Variants in CMC1 observed in about 807,000 individuals in gnomAD.
CMC1 encodes the protein C-X9-C motif containing 1.
CMC1 carries 14 observed loss-of-function variants against 14.1 expected under a neutral mutation model. The ratio of observed to expected loss-of-function variants is 0.99; its 90% CI spans 0.66 to 1.55. CMC1 has a LOEUF of 1.55. Among genes scored for constraint, CMC1 ranks in the 40% most tolerant of loss-of-function variants. The pLI, the probability that CMC1 is intolerant of heterozygous loss-of-function variation, is 0.00. For missense variants in CMC1, 127 were observed against 123.8 expected (o/e 1.03, Z -0.12); for synonymous variants, 50 against 38.4 (o/e 1.30, Z -1.12).
intron 1 of CMC1, among the ~76,000 whole-genome samples, chr3:28,247,360 C>T (rs945982586): frequency 1.3e-5 from 2 of 151,404 alleles, no homozygotes; most frequent in African/African-American, 2.4e-5. Context: ...AAATAGGAGA[C>T]GGGAGGGGAA....
rs1274835701 is a variant in CMC1 at position 28,324,453 on chromosome 3, G to A, written c.*4824G>A. The stretch of plus-strand genomic sequence containing the variant: ...CTTCACTGCATCCTACAGGGGCACA[G>A]GCTAAAAAGAAAACACAGACTAAAT... On this transcript the variant is annotated 3_prime_UTR_variant, in exon 4 of 4. Coordinates refer to ENST00000466830, the MANE Select transcript of CMC1 (RefSeq NM_182523.2). The A allele has an allele frequency of 3.4e-6, 5 of 1,457,548 alleles. No individual in the cohort carries two copies. Among genetic ancestry groups the A allele is most frequent in the Non-Finnish European group, 3.6e-6 (4 of 1,098,782 alleles). The allele number at this position is 1,457,548 out of a possible 1,614,324, so 90.3% of individuals were successfully genotyped here. A position where few individuals can be genotyped will look rare whatever the true frequency, so the allele number is the denominator to read the frequency against.
In CMC1 at chr3:28,241,788, G is replaced by C; in HGVS notation, c.-6G>C. 8.1e-7 allele frequency: 1 copy of C among 1,240,894 alleles called. No individual in the cohort carries two copies. The allele number at this position is 1,240,894 out of a possible 1,614,324, so 76.9% of individuals were successfully genotyped here. A position where few individuals can be genotyped will look rare whatever the true frequency, so the allele number is the denominator to read the frequency against. ...CAAGCGGCTACGTTCTTCTCGGCCC[G>C]CCGAGATGGCGCTCGACCCCGCAGG... On this transcript the variant is annotated 5_prime_UTR_variant, in exon 1 of 4. Coordinates refer to ENST00000466830, the MANE Select transcript of CMC1 (RefSeq NM_182523.2).
In CMC1 at chr3:28,324,970, A is replaced by G. The variant is rs1234432688; in HGVS notation, c.*5341A>G. 1 of 151,132 alleles carries G rather than the reference A, an allele frequency of 6.6e-6. No homozygotes were observed. The highest frequency in any genetic ancestry group is 2.1e-4 in the South Asian group (1 of 4,834). 9.4% of individuals were successfully genotyped at this position (151,132 alleles called of 1,614,324 possible). ...CAGGCAGTCCAAAAGCAAATTTTTT[A>G]GAAATAATTGCATTTTTAATTGGTG... On this transcript the variant is annotated 3_prime_UTR_variant, in exon 4 of 4. Coordinates refer to ENST00000466830, the MANE Select transcript of CMC1 (RefSeq NM_182523.2).
chr3:28,309,861 A>ACACACACACACACACACAC (rs1559444334), intron 2 of CMC1, among the ~76,000 whole-genome samples: 2 of 129,506 alleles, frequency 1.5e-5, no homozygotes, highest in African/African-American at 5.9e-5. Context: ...ACACACACAC[A>ACACACACACACACACACAC]AGCTAATTGC....
At chr3:28,319,237 C>A (rs1216001703) in intron 3 of CMC1, 1 of 494,172 alleles carries the variant, frequency 2.0e-6, no homozygotes, top group East Asian at 5.6e-5. Context: ...AATTTTAATC[C>A]AGTCTTTACT....
chr3:28,249,831 G>A (rs1699035306), intron 1 of CMC1, among the ~76,000 whole-genome samples: 1 of 152,138 alleles, frequency 6.6e-6, no homozygotes, highest in South Asian at 2.1e-4. Context: ...CTATTCTGGA[G>A]GCTAGGAAGT....
In CMC1 at chr3:28,319,479, CT is replaced by C. The variant is rs1208977993; in HGVS notation, c.201-28del. Reference sequence around the variant, plus strand: ...CATTTAACACATGCAGGATTATTTACTTGAAAATATTTTCATTTCCTTCTCA... The same window carrying C: ...CATTTAACACATGCAGGATTATTTACTGAAAATATTTTCATTTCCTTCTCA... On this transcript the variant is annotated intron_variant, in intron 3 of 3. Transcript: ENST00000466830. The C allele has an allele frequency of 9.0e-6, 14 of 1,560,538 alleles. No homozygotes were observed. In the African/African-American group the frequency reaches 1.6e-4, roughly 18 times the overall value.
At chr3:28,306,936 A>G (rs12631257) in intron 2 of CMC1, among the ~76,000 whole-genome samples, 121,993 of 152,126 alleles carry the variant, frequency 0.8, 49,529 homozygotes, top group African/African-American at 0.94. Context: ...GTGAGCCACC[A>G]TGCCCAGCCA....
chr3:28,323,820 C>A lies in CMC1; in HGVS notation c.*4191C>A. The A allele has an allele frequency of 2.4e-6, 1 of 423,708 alleles. No homozygotes were observed. The highest frequency in any genetic ancestry group is 4.2e-6 in the Non-Finnish European group (1 of 237,332). 26.2% of individuals were successfully genotyped at this position (423,708 alleles called of 1,614,324 possible). ...GTTTACTTATTAATTAGTATAGTAGCATATTTCAGATTCTTAGAATATGGA... is the reference window on the plus strand; with the variant it reads ...GTTTACTTATTAATTAGTATAGTAGAATATTTCAGATTCTTAGAATATGGA... On this transcript the variant is annotated 3_prime_UTR_variant, in exon 4 of 4. Coordinates refer to ENST00000466830, the MANE Select transcript of CMC1 (RefSeq NM_182523.2).
At chr3:28,305,779 A>ATTTTTTTTTTTTTTTTTTTTTTTTT (rs71087685) in intron 2 of CMC1, among the ~76,000 whole-genome samples, 1 of 43,534 alleles carries the variant, frequency 2.3e-5, no homozygotes, top group African/African-American at 1.1e-4. Flanking sequence ...TTTCATAGGA[A>ATTTTTTTTTTTTTTTTTTTTTTTTT]TTTTTTTTTT....
chr3:28,270,418 CT>C (rs1700221084), intron 2 of CMC1, among the ~76,000 whole-genome samples: 1 of 152,124 alleles, frequency 6.6e-6, no homozygotes, highest in African/African-American at 2.4e-5. Flanking sequence ...CTCACCACAT[CT>C]GTTGTTTCTT....
intron 2 of CMC1, among the ~76,000 whole-genome samples, chr3:28,301,413 G>C (rs1358952556): frequency 6.6e-6 from 1 of 151,894 alleles, no homozygotes; most frequent in African/African-American, 2.4e-5. Context: ...TAGGGGCGGG[G>C]CCTCACTATA....
chr3:28,293,176 C>G (rs12106806), intron 2 of CMC1, among the ~76,000 whole-genome samples: 30,172 of 152,008 alleles, frequency 0.2, 3,309 homozygotes, highest in Admixed American at 0.28. Context: ...CTGTTTTCTT[C>G]CCCGTGTCTG....
intron 1 of CMC1, among the ~76,000 whole-genome samples, chr3:28,244,771 G>A (rs944595955): frequency 8.6e-5 from 13 of 151,610 alleles, no homozygotes; most frequent in African/African-American, 2.9e-4. Flanking sequence ...GTTTTTGTAC[G>A]TCAGCAGCTG....
At chr3:28,267,536 A>G (rs1700068090) in intron 2 of CMC1, among the ~76,000 whole-genome samples, 2 of 151,988 alleles carry the variant, frequency 1.3e-5, no homozygotes, top group African/African-American at 4.8e-5. Flanking sequence ...TTTCTTTTGT[A>G]TTTATGTTGC....
chr3:28,248,801 T>G (rs1361617364), intron 1 of CMC1, among the ~76,000 whole-genome samples: 1 of 152,188 alleles, frequency 6.6e-6, no homozygotes, highest in Non-Finnish European at 1.5e-5. Flanking sequence ...ATTTTTTCTT[T>G]TTTTTTGAGA....
At chr3:28,306,735 C>G (rs1469826042) in intron 2 of CMC1, among the ~76,000 whole-genome samples, 1 of 151,510 alleles carries the variant, frequency 6.6e-6, no homozygotes, top group East Asian at 1.9e-4. Flanking sequence ...ACCTCAGCCT[C>G]CTGGGTTCAA....
intron 1 of CMC1, among the ~76,000 whole-genome samples, chr3:28,251,185 G>C (rs1385719504): frequency 1.3e-5 from 2 of 152,150 alleles, no homozygotes; most frequent in Non-Finnish European, 2.9e-5. Context: ...CTTGGCTTCT[G>C]ATGAGAACAT....
intron 2 of CMC1, among the ~76,000 whole-genome samples, chr3:28,309,185 A>T (rs961499758): frequency 6.6e-6 from 1 of 151,854 alleles, no homozygotes. Context: ...TCTTTTCATT[A>T]TTTTTGTTAA....
Sources: allele counts gnomAD v4.1 joint callset (sites outside exome capture counted in the v4.1 genomes callset), GRCh38; gene constraint gnomAD v4.1.1; transcripts MANE v1.5; gene names NCBI Gene and HGNC (gene_info 2026-07-23, HGNC 2026-07-21).